The following MARK3 variants were observed in gnomAD, a reference collection of about 807,000 sequenced individuals.
MARK3 encodes the protein MAP/microtubule affinity-regulating kinase 3.
Under a neutral mutation model 90.1 loss-of-function variants are expected in MARK3, and 46 were observed. The ratio of observed to expected loss-of-function variants is 0.51; its 90% confidence interval spans 0.40 to 0.65. The LOEUF is 0.65. MARK3 is among the 30% of genes least tolerant of loss of function. The pLI, the probability that MARK3 is intolerant of heterozygous loss-of-function variation, is 0.00. For missense variants in MARK3, 818 were observed against 947.2 expected, an observed-to-expected ratio of 0.86 and a Z score of 1.79; for synonymous variants, 321 against 332.6, an observed-to-expected ratio of 0.97 and a Z score of 0.38.
chr14:103,420,116 A>G (rs2092145073), intron 2 of MARK3, among the ~76,000 whole-genome samples: 1 of 152,198 alleles, frequency 6.6e-6, no homozygotes, highest in African/African-American at 2.4e-5. Context: ...AAAAGCATAA[A>G]AACAGTCAGC....
At chr14:103,455,497 C>G (rs1289863639) in intron 5 of MARK3, among the ~76,000 whole-genome samples, 1 of 152,074 alleles carries the variant, frequency 6.6e-6, no homozygotes, top group African/African-American at 2.4e-5. Context: ...GAGGCCAAGA[C>G]GGGCAGATCA....
chr14:103,492,377 CTG>C (rs2094032177), intron 15 of MARK3, among the ~76,000 whole-genome samples: 1 of 152,096 alleles, frequency 6.6e-6, no homozygotes, highest in African/African-American at 2.4e-5. Flanking sequence ...GGCTGGCACT[CTG>C]TAACAATCAG....
rs10525116 is a variant in MARK3, at chr14:103,467,674, CAAAAAAAAAAAAAA to C, written c.1111-349_1111-336del. ...TGGGTGACAGAGCGAGACTCTGTCTCAAAAAAAAAAAAAAAAAAAAAAAGATGGATGTTGTCATA... is the reference window on the plus strand; with the variant it reads ...TGGGTGACAGAGCGAGACTCTGTCTCAAAAAAAAAGATGGATGTTGTCATA... On this transcript the variant is annotated intron_variant, in intron 11 of 17. Transcript: ENST00000429436. 145 of 44,942 alleles carry C rather than the reference CAAAAAAAAAAAAAA, an allele frequency of 3.2e-3. 4 individuals carry two copies. Among genetic ancestry groups the C allele is most frequent in the South Asian group, 6.3e-3 (4 of 640 alleles). The allele number at this position is 44,942 out of a possible 1,614,324, so 2.8% of individuals were successfully genotyped here. A position where few individuals can be genotyped will look rare whatever the true frequency, so the allele number is the denominator to read the frequency against.
At chr14:103,473,967 T>C (rs1444793166) in intron 12 of MARK3, among the ~76,000 whole-genome samples, 1 of 147,732 alleles carries the variant, frequency 6.8e-6, no homozygotes, top group East Asian at 2.0e-4. Context: ...GAGGCCAAGG[T>C]GGGTGGATCA....
chr14:103,412,407 G>A (rs1459652512), intron 2 of MARK3: 6 of 589,624 alleles, frequency 1.0e-5, no homozygotes, highest in Admixed American at 2.6e-5. Flanking sequence ...CCGAGGATTC[G>A]TGGGATTTGC....
chr14:103,495,666 T>C (rs1487241847), intron 15 of MARK3, among the ~76,000 whole-genome samples: 1 of 152,228 alleles, frequency 6.6e-6, no homozygotes, highest in Non-Finnish European at 1.5e-5. Flanking sequence ...AGTGGTCATC[T>C]TGTTTACAAT....
intron 3 of MARK3, among the ~76,000 whole-genome samples, chr14:103,440,950 A>G (rs1340332551): frequency 6.9e-5 from 10 of 145,754 alleles, no homozygotes; most frequent in African/African-American, 1.5e-4. Context: ...AAAAAAAAAG[A>G]AAAGAAAAGA....
At chr14:103,499,254 T>C (rs1235067294) in intron 16 of MARK3, 2 of 151,620 alleles carry the variant, frequency 1.3e-5, no homozygotes, top group Non-Finnish European at 2.9e-5. Context: ...AGCCCAGGAG[T>C]TCAAGACCAT....
intron 3 of MARK3, among the ~76,000 whole-genome samples, chr14:103,440,892 C>T (rs1216988079): frequency 1.4e-5 from 2 of 146,196 alleles, no homozygotes; most frequent in African/African-American, 5.1e-5. Context: ...GCTGTGATTG[C>T]ACCACTGCAC....
In MARK3 at chr14:103,491,891, C is replaced by T. The variant is rs1020937772; in HGVS notation, c.1701C>T (p.Gly567=). ...RGTASRSTFH[G]QPRERRTATY... The stretch of plus-strand genomic sequence containing the variant: ...CTGCCAGTCGTAGCACTTTCCACGG[C>T]CAGCCCCGGGAACGGCGAACCGCAA... Residue 567 remains glycine (G), a synonymous_variant, in exon 15 of 18, where the codon GGC becomes GGT. Coordinates refer to ENST00000429436, the MANE Select transcript of MARK3 (RefSeq NM_001128918.3). 6.2e-7 allele frequency: 1 copy of T among 1,614,050 alleles called. No homozygotes were observed. The highest frequency in any genetic ancestry group is 1.3e-5 in the African/African-American group (1 of 74,910).
intron 7 of MARK3, among the ~76,000 whole-genome samples, chr14:103,463,197 C>T (rs529147184): frequency 9.9e-5 from 15 of 151,674 alleles, no homozygotes; most frequent in African/African-American, 1.5e-4. Context: ...TTCAGATACA[C>T]GCTTTTTCTC....
chr14:103,467,333 T>G (rs1421558239), intron 11 of MARK3, 142 bp downstream of exon 11: 1 of 514,344 alleles, frequency 1.9e-6, no homozygotes, highest in Admixed American at 3.5e-5. Flanking sequence ...CAAATCTAAA[T>G]CCTATGACTA....
At chr14:103,387,110 C>A (rs1338828258) in intron 1 of MARK3, among the ~76,000 whole-genome samples, 1 of 152,124 alleles carries the variant, frequency 6.6e-6, no homozygotes, top group Non-Finnish European at 1.5e-5. Flanking sequence ...ATTGCTGGCA[C>A]GAAATGTCTT....
chr14:103,407,805 C>T (rs547289027), intron 2 of MARK3, among the ~76,000 whole-genome samples: 28 of 152,070 alleles, frequency 1.8e-4, no homozygotes, highest in East Asian at 1.4e-3. Context: ...GTGATCTGCC[C>T]GCCTCAACCT....
In MARK3 at chr14:103,433,173, C is replaced by T. The variant is rs144616487; in HGVS notation, c.297+4733C>T. Among the ~76,000 whole-genome samples the T allele has an allele frequency of 8.6e-5, 13 of 150,584 alleles. No individual in the cohort carries two copies. The East Asian group carries it at 2.6e-3, about 30-fold the overall frequency. ...TGATTTTGGCTCACTGCAACCTCTG[C>T]CTCCCGGGTTCAAGAGATACTTCTG... On this transcript the variant is annotated intron_variant, in intron 3 of 17. Coordinates refer to ENST00000429436, the MANE Select transcript of MARK3 (RefSeq NM_001128918.3).
At chr14:103,397,916 T>C (rs1349860216) in intron 1 of MARK3, among the ~76,000 whole-genome samples, 1 of 152,238 alleles carries the variant, frequency 6.6e-6, no homozygotes, top group Admixed American at 6.5e-5. Flanking sequence ...TCTCCATATG[T>C]CATTACTCTT....
intron 2 of MARK3, among the ~76,000 whole-genome samples, chr14:103,412,924 G>T (rs1468831014): frequency 6.6e-6 from 1 of 150,442 alleles, no homozygotes; most frequent in Non-Finnish European, 1.5e-5. Flanking sequence ...GCCCAGGCTA[G>T]AGTGCAGTGG....
intron 2 of MARK3, among the ~76,000 whole-genome samples, chr14:103,420,927 TTGA>T (rs1172252580): frequency 6.6e-6 from 1 of 152,162 alleles, no homozygotes; most frequent in Non-Finnish European, 1.5e-5. Context: ...GTACTTTTTG[TTGA>T]TGATTTTGCC....
chr14:103,456,893 TTAAAA>T (rs1261183899), intron 5 of MARK3, among the ~76,000 whole-genome samples: 2 of 152,238 alleles, frequency 1.3e-5, no homozygotes, highest in Admixed American at 6.5e-5. Context: ...AAAACGCTCT[TTAAAA>T]TAAGAGTTAT....
Sources: gnomAD v4.1 joint callset for allele counts (sites outside exome capture counted in the v4.1 genomes callset) on GRCh38, gnomAD v4.1.1 for gene constraint, MANE v1.5 for transcripts, NCBI Gene and HGNC (gene_info 2026-07-23, HGNC 2026-07-21) for gene names.